GRM7: variants seen among roughly 807,000 people sequenced by gnomAD.
GRM7 encodes the protein metabotropic glutamate receptor 7.
GRM7 carries 35 observed loss-of-function variants against 84.5 expected under a neutral mutation model. The ratio of observed to expected loss-of-function variants is 0.41; its 90% confidence interval spans 0.32 to 0.55. The LOEUF (loss-of-function observed/expected upper bound fraction) is 0.55, where lower values mean the gene tolerates loss of function less well. GRM7 is among the 20% of genes least tolerant of loss of function. The pLI is 0.19. For synonymous variants in GRM7, 487 were observed against 455.1 expected (o/e 1.07, Z -0.89); for missense variants, 1,003 against 1,194.6 (o/e 0.84, Z 2.36).
rs755582740 is a variant in GRM7, at chr3:7,146,496, T to C, written c.564T>C (p.Asp188=). The part of the protein sequence containing the change: ...SYASTAPELS[D]DRRYDFFSRV... ...CATCAACGGCACCCGAGCTAAGTGA[T>C]GACCGGCGCTATGACTTCTTCTCTC... The change falls in exon 2 of 10, where the codon GAT becomes GAC. Residue 188 remains aspartate, a synonymous_variant. Coordinates refer to ENST00000357716, the MANE Select transcript of GRM7 (RefSeq NM_000844.4). 12 of 1,613,836 alleles carry C rather than the reference T, an allele frequency of 7.4e-6. No individual in the cohort carries two copies. In the South Asian group the frequency reaches 1.3e-4, roughly 18 times the overall value.
Position 7,452,789 on chromosome 3 carries a change from C to G in GRM7, c.1357C>G (p.Arg453Gly). 6.2e-7 allele frequency: 1 copy of G among 1,609,730 alleles called. No individual in the cohort carries two copies. The highest frequency in any genetic ancestry group is 8.5e-7 in the Non-Finnish European group (1 of 1,176,486). ...AGGKKLLKYI[R>G]NVNFNGSAGT... ...AGGCAAGAAGTTGCTGAAGTATATA[C>G]GCAATGTTAATTTCAATGGTGAGTC... Residue 453 changes from arginine (R) to glycine (G), a missense_variant, in exon 6 of 10, where the codon CGC becomes GGC. By Grantham distance (125) the Arg-to-Gly change is moderately radical (BLOSUM62 -2). Coordinates refer to ENST00000357716, the MANE Select transcript of GRM7 (RefSeq NM_000844.4).
intron 1 of GRM7, among the ~76,000 whole-genome samples, chr3:7,003,631 G>A (rs1695086613): frequency 6.6e-6 from 1 of 152,150 alleles, no homozygotes; most frequent in Admixed American, 6.5e-5. Context: ...TGTTAAACAT[G>A]TGCTTTAATT....
In GRM7 at chr3:7,103,437, C is replaced by T. The variant is rs1574908144; in HGVS notation, c.520-43015C>T. Among the ~76,000 whole-genome samples the T allele has an allele frequency of 4.0e-5, 6 of 151,890 alleles. No homozygotes were observed. In the East Asian group the frequency reaches 5.8e-4, roughly 15 times the overall value. The stretch of plus-strand genomic sequence containing the variant: ...TCAAACTTCGAGCTGTTGCTTTCTG[C>T]TGGAATCACTGGAGTTCCCCCCACA... On this transcript the variant is annotated intron_variant, in intron 1 of 9. Coordinates refer to ENST00000357716, the MANE Select transcript of GRM7 (RefSeq NM_000844.4).
intron 1 of GRM7, chr3:6,892,994 AATGATGATGATG>A (rs1011056663): frequency 6.6e-6 from 1 of 151,882 alleles, no homozygotes; most frequent in African/African-American, 2.4e-5. Flanking sequence ...TGATGATGAT[AATGATGATGATG>A]ATGATGATGA....
intron 1 of GRM7, among the ~76,000 whole-genome samples, chr3:7,021,565 A>G (rs1333079017): frequency 6.6e-6 from 1 of 152,330 alleles, no homozygotes; most frequent in East Asian, 1.9e-4. Context: ...TTGGGAAAAG[A>G]ACATTTCTGA....
chr3:7,446,088 T>C (rs1480246785), intron 5 of GRM7, among the ~76,000 whole-genome samples: 1 of 152,224 alleles, frequency 6.6e-6, no homozygotes, highest in East Asian at 1.9e-4. Flanking sequence ...TTAAGTTAAT[T>C]GTATGCTGTT....
intron 2 of GRM7, among the ~76,000 whole-genome samples, chr3:7,262,521 G>C (rs1698471798): frequency 6.6e-6 from 1 of 151,960 alleles, no homozygotes; most frequent in African/African-American, 2.4e-5. Flanking sequence ...GCAATTCTTA[G>C]CTCCCCTGGA....
Position 7,740,497 on chromosome 3 carries a change from C to A in GRM7, c.*91C>A. ...TAGGACTCTTTGGTCCTACCCGCTT[C>A]CCATCACCGGAGGAGCTTCCCCGGC... is the stretch of plus-strand genomic sequence containing the variant. On this transcript the variant is annotated 3_prime_UTR_variant, in exon 10 of 10. Transcript: ENST00000357716. 1.5e-6 allele frequency: 1 copy of A among 688,560 alleles called. No individual in the cohort carries two copies. The allele number at this position is 688,560 out of a possible 1,614,324, so 42.7% of individuals were successfully genotyped here.
intron 7 of GRM7, among the ~76,000 whole-genome samples, chr3:7,577,336 C>T (rs1038444970): frequency 2.6e-5 from 4 of 152,108 alleles, no homozygotes; most frequent in Admixed American, 2.6e-4. Context: ...TGTAACAAGT[C>T]CATATGATGG....
At chr3:7,243,383 G>A (rs560823146) in intron 2 of GRM7, among the ~76,000 whole-genome samples, 4 of 152,146 alleles carry the variant, frequency 2.6e-5, no homozygotes, top group South Asian at 2.1e-4. Context: ...ATTGGTTCTT[G>A]TCTCTCATGT....
chr3:7,256,647 A>G (rs570664380), intron 2 of GRM7, among the ~76,000 whole-genome samples: 8 of 152,108 alleles, frequency 5.3e-5, no homozygotes, highest in African/African-American at 1.7e-4. Context: ...ACACACACAT[A>G]CACACACACA....
intron 1 of GRM7, among the ~76,000 whole-genome samples, chr3:6,998,654 G>A (rs1290436259): frequency 3.9e-5 from 6 of 152,210 alleles, no homozygotes; most frequent in Non-Finnish European, 8.8e-5. Context: ...TACATCCTAT[G>A]AAATCTAGGT....
intron 1 of GRM7, among the ~76,000 whole-genome samples, chr3:6,988,474 T>C (rs1172488020): frequency 6.6e-6 from 1 of 152,164 alleles, no homozygotes; most frequent in East Asian, 1.9e-4. Flanking sequence ...ATGCATTTGC[T>C]TTTCTACTGA....
chr3:6,931,066 T>G (rs563957055), intron 1 of GRM7, among the ~76,000 whole-genome samples: 2 of 152,222 alleles, frequency 1.3e-5, no homozygotes, highest in Non-Finnish European at 2.9e-5. Context: ...TCCATTTATA[T>G]TGTTCACTTT....
intron 8 of GRM7, among the ~76,000 whole-genome samples, chr3:7,606,719 A>C (rs1031637504): frequency 3.3e-5 from 5 of 152,068 alleles, no homozygotes; most frequent in African/African-American, 1.2e-4. Context: ...TTTTTAGTAG[A>C]GACAGGGTTT....
At chr3:7,304,775 A>T (rs780429913) in intron 3 of GRM7, among the ~76,000 whole-genome samples, 3 of 152,084 alleles carry the variant, frequency 2.0e-5, no homozygotes, top group Non-Finnish European at 4.4e-5. Context: ...TTGATTAAAG[A>T]TATGATCATT....
At chr3:7,213,175 C>G (rs1486459535) in intron 2 of GRM7, among the ~76,000 whole-genome samples, 1 of 152,092 alleles carries the variant, frequency 6.6e-6, no homozygotes, top group East Asian at 1.9e-4. Context: ...CTTAACCAGT[C>G]AAAAACAAAA....
intron 1 of GRM7, among the ~76,000 whole-genome samples, chr3:6,913,229 C>A (rs991782207): frequency 3.9e-5 from 6 of 152,158 alleles, no homozygotes; most frequent in African/African-American, 1.4e-4. Flanking sequence ...TGGAAGATTT[C>A]TGATATTATT....
At chr3:7,677,502 T>G (rs1323907790) in intron 8 of GRM7, among the ~76,000 whole-genome samples, 1 of 152,150 alleles carries the variant, frequency 6.6e-6, no homozygotes, top group Non-Finnish European at 1.5e-5. Context: ...CTCTAGAATC[T>G]GCATTCTTAT....
Sources: allele counts gnomAD v4.1 joint callset (sites outside exome capture counted in the v4.1 genomes callset), GRCh38; gene constraint gnomAD v4.1.1; transcripts MANE v1.5; gene names NCBI Gene and HGNC (gene_info 2026-07-23, HGNC 2026-07-21).